Variants in TPCN2 observed in about 807,000 individuals in gnomAD.
The protein encoded by TPCN2 is two pore channel protein 2.
A neutral mutation model predicts 111.4 loss-of-function variants in TPCN2; 92 were observed. The observed-to-expected ratio is 0.83, with a 90% CI of 0.70 to 0.98. TPCN2 has a LOEUF of 0.98. Ranked by LOEUF, TPCN2 falls within the 50% of genes least tolerant of loss-of-function variation. The probability of loss-of-function intolerance (pLI) is 0.00; values close to 1 mark genes in which losing one functional copy is unlikely to be tolerated. For missense variants in TPCN2, 995 were observed against 980.1 expected (o/e 1.02, Z -0.20); for synonymous variants, 405 against 414.5 (o/e 0.98, Z 0.28).
At chr11:69,057,550 G>A (rs1854830401) in intron 4 of TPCN2, 28 bp from the exon 5 acceptor site, 1 of 1,600,718 alleles carries the variant, frequency 6.2e-7, no homozygotes. Context: ...GGGGCTACTT[G>A]CTGCTCACCC....
chr11:69,085,352 G>T, intron 20 of TPCN2, 66 bp downstream of exon 20: 1 of 1,434,672 alleles, frequency 7.0e-7, no homozygotes, highest in Non-Finnish European at 9.8e-7. Flanking sequence ...GGAAGCCTTG[G>T]CGGTGGCCTC....
intron 6 of TPCN2, among the ~76,000 whole-genome samples, chr11:69,063,460 C>T (rs1294252516): frequency 2.0e-5 from 3 of 152,050 alleles, no homozygotes; most frequent in African/African-American, 7.2e-5. Context: ...CCCTGCGCCC[C>T]AGGCCCAGCC....
intron 13 of TPCN2, among the ~76,000 whole-genome samples, chr11:69,075,455 G>A (rs894714587): frequency 2.3e-4 from 35 of 152,294 alleles, no homozygotes; most frequent in Non-Finnish European, 4.1e-4. Flanking sequence ...GGGAATAAGG[G>A]TAAGAAAACC....
Position 69,085,584 on chromosome 11 carries a change from G to C in TPCN2, c.1839-87G>C. ...AATTTGTACCTTCAGGCCAGGCTGA[G>C]CACGCCAGCAGAGGAAAGGGGTGTA... On this transcript the variant is annotated intron_variant, in intron 20 of 24. Coordinates refer to ENST00000294309, the MANE Select transcript of TPCN2 (RefSeq NM_139075.4). 4 of 926,506 alleles carry C rather than the reference G, an allele frequency of 4.3e-6. No homozygotes were observed. In the South Asian group the frequency reaches 5.6e-5, roughly 13 times the overall value. 57.4% of individuals were successfully genotyped at this position (926,506 alleles called of 1,614,324 possible). A position where few individuals can be genotyped will look rare whatever the true frequency, so the allele number is the denominator to read the frequency against.
intron 23 of TPCN2, 65 bp from the exon 24 acceptor site, chr11:69,087,047 G>T: frequency 7.0e-7 from 1 of 1,431,456 alleles, no homozygotes; most frequent in East Asian, 2.3e-5. Context: ...TGGAGGGGCC[G>T]GGGATGGGGC....
At chr11:69,050,498 C>G (rs1298273518) in intron 1 of TPCN2, among the ~76,000 whole-genome samples, 1 of 152,212 alleles carries the variant, frequency 6.6e-6, no homozygotes, top group African/African-American at 2.4e-5. Context: ...CCGCCTCAGC[C>G]TCCCAAGTAG....
chr11:69,059,834 G>A (rs748004827), intron 5 of TPCN2, among the ~76,000 whole-genome samples: 6 of 152,246 alleles, frequency 3.9e-5, no homozygotes, highest in Non-Finnish European at 7.3e-5. Context: ...TCTGTTGTCA[G>A]GGGGCTGTCT....
intron 4 of TPCN2, among the ~76,000 whole-genome samples, chr11:69,056,827 G>A (rs925781098): frequency 7.2e-6 from 1 of 138,528 alleles, no homozygotes; most frequent in Non-Finnish European, 1.5e-5. Context: ...CACTGTGCCC[G>A]GCCGTCTTTT....
Position 69,054,781 on chromosome 11 carries a change from T to C in TPCN2, c.235T>C (p.Ser79Pro). 1.9e-6 allele frequency: 3 copies of C among 1,614,144 alleles called. No individual in the cohort carries two copies. The highest frequency in any genetic ancestry group is 2.5e-6 in the Non-Finnish European group (3 of 1,179,992). ...GATGTGGCTTTACCGACGGTATTAC[T>C]CGAACGTATGCCAACGGTGAGAACG... ...SSMWLYRRYY[S>P]NVCQRTLSFT... The change falls in exon 3 of 25, where the codon TCG becomes CCG. Residue 79 changes from serine to proline, a missense_variant. Transcript: ENST00000294309.
chr11:69,071,854 G>T, intron 10 of TPCN2, 69 bp from the exon 11 acceptor site: 2 of 1,442,108 alleles, frequency 1.4e-6, no homozygotes, highest in Non-Finnish European at 1.9e-6. Context: ...TTCCCCAGGG[G>T]AGGGAAGGGT....
rs766257116 is a variant in TPCN2 at position 69,089,460 on chromosome 11, G to C, written c.*1507G>C. The C allele has an allele frequency of 6.6e-6, 1 of 152,254 alleles. No homozygotes were observed. Among genetic ancestry groups the C allele is most frequent in the Non-Finnish European group, 1.5e-5 (1 of 68,058 alleles). The allele number at this position is 152,254 out of a possible 1,614,324, so 9.4% of individuals were successfully genotyped here. On this transcript the variant is annotated 3_prime_UTR_variant, in exon 25 of 25. Transcript: ENST00000294309. ...TGGCGACTTAATCCGCCTGGACGGT[G>C]GCTCCGTCTCCCTGGGCTTAGACGA... is the stretch of plus-strand genomic sequence containing the variant.
intron 5 of TPCN2, among the ~76,000 whole-genome samples, chr11:69,061,479 G>C (rs1278777898): frequency 6.6e-6 from 1 of 152,234 alleles, no homozygotes; most frequent in Non-Finnish European, 1.5e-5. Flanking sequence ...GAGATTGACA[G>C]GCGCCAAAGT....
intron 19 of TPCN2, chr11:69,084,723 T>A: frequency 1.0e-6 from 1 of 985,430 alleles, no homozygotes; most frequent in Non-Finnish European, 1.2e-6. Context: ...CGCAGGGTGC[T>A]CTGGGCTGGA....
intron 7 of TPCN2, among the ~76,000 whole-genome samples, chr11:69,066,181 T>A (rs1363609007): frequency 1.3e-5 from 2 of 152,078 alleles, no homozygotes; most frequent in Admixed American, 1.3e-4. Flanking sequence ...AACGTGGTGG[T>A]TTGACTGGGT....
chr11:69,070,273 G>A (rs533404018), intron 8 of TPCN2, among the ~76,000 whole-genome samples, 157 bp from the exon 9 acceptor site: 82 of 152,216 alleles, frequency 5.4e-4, no homozygotes, highest in African/African-American at 1.9e-3. Context: ...TGATCCACCC[G>A]CCTCAGCCTC....
chr11:69,067,300 C>T (rs768532869), intron 7 of TPCN2, among the ~76,000 whole-genome samples: 7 of 152,216 alleles, frequency 4.6e-5, no homozygotes, highest in Non-Finnish European at 7.3e-5. Flanking sequence ...TGCGGGTGAG[C>T]GGTCTCCCTG....
At chr11:69,060,918 T>C (rs1854992733) in intron 5 of TPCN2, among the ~76,000 whole-genome samples, 1 of 152,224 alleles carries the variant, frequency 6.6e-6, no homozygotes, top group South Asian at 2.1e-4. Flanking sequence ...CAGTTCTCTG[T>C]TCACCACTGT....
intron 4 of TPCN2, among the ~76,000 whole-genome samples, chr11:69,056,876 C>T (rs1056298410): frequency 2.0e-5 from 3 of 147,474 alleles, no homozygotes; most frequent in Admixed American, 6.8e-5. Context: ...CTAGCTCTGT[C>T]GCCCAGGCTA....
At position 69,067,528 on chromosome 11, in the gene TPCN2, G is replaced by T; in HGVS notation, c.752G>T (p.Arg251Met). 1 of 1,613,904 alleles carries T rather than the reference G, an allele frequency of 6.2e-7. No individual in the cohort carries two copies. The highest frequency in any genetic ancestry group is 8.5e-7 in the Non-Finnish European group (1 of 1,180,010). ...CAGGATGATGGGCAGGACAGGGAGA[G>T]GCTGACCTACTTCCAGAACCTGCCT... ...GKQDDGQDRE[R>M]LTYFQNLPES... Residue 251 changes from arginine (R) to methionine (M), a missense_variant, in exon 8 of 25, where the codon AGG becomes ATG. Coordinates refer to ENST00000294309, the MANE Select transcript of TPCN2 (RefSeq NM_139075.4).
Sources: allele counts gnomAD v4.1 joint callset (sites outside exome capture counted in the v4.1 genomes callset), GRCh38; gene constraint gnomAD v4.1.1; transcripts MANE v1.5; gene names NCBI Gene and HGNC (gene_info 2026-07-23, HGNC 2026-07-21).